Variants in SLC7A7 observed in about 807,000 individuals in gnomAD.
The protein encoded by SLC7A7 is solute carrier family 7 member 7, also known as Y+L amino acid transporter 1.
A neutral mutation model predicts 47.9 loss-of-function variants in SLC7A7; 39 were observed. That is an observed-to-expected ratio of 0.81 (90% CI 0.63 to 1.06). SLC7A7 has a LOEUF of 1.06. Ranked by LOEUF, SLC7A7 falls within the 50% of genes least tolerant of loss-of-function variation. SLC7A7 has a pLI of 0.00. For synonymous variants in SLC7A7, 234 were observed against 242.8 expected, an observed-to-expected ratio of 0.96 and a Z score of 0.34; for missense variants, 588 against 632.0, an observed-to-expected ratio of 0.93 and a Z score of 0.75.
intron 8 of SLC7A7, 108 bp downstream of exon 8, chr14:22,774,246 G>A (rs972012287): frequency 1.3e-5 from 21 of 1,595,196 alleles, no homozygotes; most frequent in African/African-American, 1.3e-5. Context: ...CATTACTAAC[G>A]ACCAAGTCCC....
In SLC7A7 at chr14:22,813,160, C is replaced by G. The variant is rs1228184852; in HGVS notation, c.239G>C (p.Gly80Ala). The change falls in exon 2 of 10, where the codon GGC becomes GCC. Residue 80 changes from glycine to alanine, a missense_variant. Transcript: ENST00000674313. ...AAGGGCCCCAAAGACGGAGAAGAGG[C>G]CCCCGACAGCCCAGATGACCAGAGA... ...GLSLVIWAVG[G>A]LFSVFGALCY... The G allele has an allele frequency of 1.2e-6, 2 of 1,614,144 alleles. No individual in the cohort carries two copies. Among genetic ancestry groups the G allele is most frequent in the Non-Finnish European group, 1.7e-6 (2 of 1,180,008 alleles).
At chr14:22,817,756 C>T (rs1406933009), upstream of SLC7A7, among the ~76,000 whole-genome samples, 1 of 152,130 alleles carries the variant, frequency 6.6e-6, no homozygotes, top group African/African-American at 2.4e-5. Flanking sequence ...GGATTACAGG[C>T]GTGAGCCACC....
chr14:22,797,670 G>A (rs2039042095), intron 2 of SLC7A7, among the ~76,000 whole-genome samples: 1 of 152,088 alleles, frequency 6.6e-6, no homozygotes, highest in South Asian at 2.1e-4. Context: ...GGGTGGGGGA[G>A]GGGAAGCAAT....
At chr14:22,777,166 A>G (rs951181443) in intron 4 of SLC7A7, among the ~76,000 whole-genome samples, 6 of 138,002 alleles carry the variant, frequency 4.3e-5, no homozygotes, top group African/African-American at 8.1e-5. Flanking sequence ...AAAAAAAAAA[A>G]GCAGGGCGGG....
At chr14:22,775,092 G>GACACAT (rs2038572330) in intron 7 of SLC7A7, among the ~76,000 whole-genome samples, 3 of 151,516 alleles carry the variant, frequency 2.0e-5, no homozygotes, top group Admixed American at 6.6e-5. Context: ...TGGATTTTAA[G>GACACAT]ACACACACAC....
At chr14:22,813,516 G>T (rs889818117) in intron 1 of SLC7A7, 76 bp from the exon 2 acceptor site, 29 of 1,307,260 alleles carry the variant, frequency 2.2e-5, no homozygotes, top group Non-Finnish European at 3.0e-5. Flanking sequence ...TCCAACACAG[G>T]GTAATACGGG....
chr14:22,783,238 A>AT (rs1265898439), intron 2 of SLC7A7, among the ~76,000 whole-genome samples: 2 of 150,068 alleles, frequency 1.3e-5, no homozygotes, highest in Non-Finnish European at 3.0e-5. Context: ...GGCTGTTTTA[A>AT]TTTTTTTAGA....
intron 2 of SLC7A7, among the ~76,000 whole-genome samples, chr14:22,803,200 G>T (rs185185457): frequency 1.3e-5 from 2 of 152,068 alleles, no homozygotes; most frequent in South Asian, 2.1e-4. Context: ...CGGGCAGATC[G>T]CCTGAGGTCA....
At chr14:22,793,554 G>A (rs2038962609) in intron 2 of SLC7A7, among the ~76,000 whole-genome samples, 1 of 152,160 alleles carries the variant, frequency 6.6e-6, no homozygotes, top group African/African-American at 2.4e-5. Flanking sequence ...GCTCATGCCT[G>A]TAATCCCAGC....
At chr14:22,819,234 T>C (rs889527679), upstream of SLC7A7, among the ~76,000 whole-genome samples, 10 of 152,078 alleles carry the variant, frequency 6.6e-5, no homozygotes, top group African/African-American at 2.4e-4. Flanking sequence ...AGACCCCATG[T>C]CCTGCCTTCC....
chr14:22,796,827 G>A (rs1306406127), intron 2 of SLC7A7, among the ~76,000 whole-genome samples: 2 of 152,180 alleles, frequency 1.3e-5, no homozygotes, highest in East Asian at 3.8e-4. Context: ...CTTGCTGAGA[G>A]GAAAGTTCCA....
chr14:22,812,085 TAG>T (rs2039317770), intron 2 of SLC7A7, among the ~76,000 whole-genome samples: 2 of 152,200 alleles, frequency 1.3e-5, no homozygotes, highest in African/African-American at 4.8e-5. Context: ...CTGATAATGC[TAG>T]AGGAAAAGCA....
chr14:22,819,099 C>T (rs919505277), upstream of SLC7A7, among the ~76,000 whole-genome samples: 5 of 152,142 alleles, frequency 3.3e-5, no homozygotes, highest in Admixed American at 6.6e-5. Flanking sequence ...GAGCCCCTCA[C>T]CCTAACCTCA....
chr14:22,800,705 G>A (rs1381817094), intron 2 of SLC7A7, among the ~76,000 whole-genome samples: 2 of 152,018 alleles, frequency 1.3e-5, no homozygotes, highest in Non-Finnish European at 2.9e-5. Context: ...TTGGGAGGCC[G>A]AGGCGGGTAG....
intron 2 of SLC7A7, among the ~76,000 whole-genome samples, chr14:22,781,867 T>C (rs115207569): frequency 0.017 from 2,612 of 152,140 alleles, 50 homozygotes; most frequent in Middle Eastern, 0.044. Context: ...GATCCCCAAA[T>C]ACAAATTTAT....
intron 2 of SLC7A7, among the ~76,000 whole-genome samples, chr14:22,806,725 A>G (rs2039216191): frequency 6.6e-6 from 1 of 152,050 alleles, no homozygotes; most frequent in Admixed American, 6.6e-5. Flanking sequence ...CACAAGGCAC[A>G]CCTTCCTAGG....
At chr14:22,781,188 T>C (rs1180976502) in intron 2 of SLC7A7, among the ~76,000 whole-genome samples, 1 of 152,160 alleles carries the variant, frequency 6.6e-6, no homozygotes, top group Non-Finnish European at 1.5e-5. Flanking sequence ...GTCAAGAGAA[T>C]GAGGCCTAGT....
intron 2 of SLC7A7, among the ~76,000 whole-genome samples, chr14:22,810,871 G>C (rs1323076508): frequency 3.9e-5 from 6 of 152,150 alleles, no homozygotes; most frequent in Admixed American, 3.9e-4. Flanking sequence ...CCAGCTACTT[G>C]AGAGGCTGAG....
intron 3 of SLC7A7, 56 bp from the exon 4 acceptor site, chr14:22,778,993 A>C: frequency 6.2e-7 from 1 of 1,607,446 alleles, no homozygotes; most frequent in Non-Finnish European, 8.5e-7. Flanking sequence ...TCCCACTTCA[A>C]GATGGTCAAG....
Sources: allele counts gnomAD v4.1 joint callset (sites outside exome capture counted in the v4.1 genomes callset), GRCh38; gene constraint gnomAD v4.1.1; transcripts MANE v1.5; gene names NCBI Gene and HGNC (gene_info 2026-07-23, HGNC 2026-07-21).